Variants in MALRD1 observed in about 807,000 individuals in gnomAD.
MALRD1 encodes MAM and LDL receptor class A domain containing 1, also known as MAM and LDL-receptor class A domain-containing protein 1.
A neutral mutation model predicts 242.1 loss-of-function variants in MALRD1; 247 were observed. The ratio of observed to expected loss-of-function variants is 1.02; its 90% CI spans 0.92 to 1.13. The LOEUF (loss-of-function observed/expected upper bound fraction) is 1.13, where lower values mean the gene tolerates loss of function less well. MALRD1 is among the 50% of genes most tolerant of loss of function. The probability of loss-of-function intolerance (pLI) is 0.00; values close to 1 mark genes in which losing one functional copy is unlikely to be tolerated. For missense variants in MALRD1, 2,989 were observed against 2,533.1 expected (o/e 1.18, Z -3.86); for synonymous variants, 995 against 866.6 (o/e 1.15, Z -2.60).
chr10:19,304,684 A>G (rs772665178), intron 21 of MALRD1, among the ~76,000 whole-genome samples: 2 of 151,774 alleles, frequency 1.3e-5, no homozygotes, highest in Admixed American at 6.6e-5. Flanking sequence ...AAAATGTTTC[A>G]TCATTATTAT....
chr10:19,191,171 C>T (rs576104156), intron 14 of MALRD1, among the ~76,000 whole-genome samples: 1 of 152,066 alleles, frequency 6.6e-6, no homozygotes, highest in African/African-American at 2.4e-5. Flanking sequence ...CCAAAGAAGA[C>T]AAAATATTTT....
chr10:19,595,719 G>A (rs1268151495), intron 34 of MALRD1, among the ~76,000 whole-genome samples: 1 of 152,160 alleles, frequency 6.6e-6, no homozygotes, highest in Non-Finnish European at 1.5e-5. Context: ...TCATATGGGA[G>A]ATGCCGTTAT....
At chr10:19,337,104 A>G (rs1368978165) in intron 24 of MALRD1, among the ~76,000 whole-genome samples, 1 of 152,110 alleles carries the variant, frequency 6.6e-6, no homozygotes, top group Non-Finnish European at 1.5e-5. Context: ...ACACAAGTAA[A>G]CTTACACATA....
chr10:19,205,053 A>G lies in MALRD1; in HGVS notation c.2366A>G (p.His789Arg), dbSNP rs1836724816. 1 of 1,550,726 alleles carries G rather than the reference A, an allele frequency of 6.4e-7. No homozygotes were observed. The highest frequency in any genetic ancestry group is 8.7e-7 in the Non-Finnish European group (1 of 1,147,012). Residue 789 changes from histidine to arginine, a missense_variant, in exon 17 of 40, where the codon CAT becomes CGT. Coordinates refer to ENST00000454679, the MANE Select transcript of MALRD1 (RefSeq NM_001142308.3). The part of the protein sequence containing the change: ...IQLGRLSQPF[H>R]LSLDKVSLGI... ...CTAGGGCGCCTTTCGCAGCCCTTCC[A>G]TTTGTCACTAGATAAAGTCAGTCTG...
chr10:19,248,194 T>C (rs535390054), intron 18 of MALRD1, among the ~76,000 whole-genome samples: 1 of 152,182 alleles, frequency 6.6e-6, no homozygotes, highest in African/African-American at 2.4e-5. Context: ...AAGTACTACA[T>C]AATAACTATG....
intron 21 of MALRD1, among the ~76,000 whole-genome samples, chr10:19,308,224 G>A (rs925974951): frequency 1.3e-5 from 2 of 151,084 alleles, no homozygotes; most frequent in Admixed American, 1.3e-4. Flanking sequence ...CTTCTATTCT[G>A]CATGTCTGTG....
At chr10:19,497,845 A>C (rs1431070255) in intron 30 of MALRD1, among the ~76,000 whole-genome samples, 1 of 152,218 alleles carries the variant, frequency 6.6e-6, no homozygotes, top group Non-Finnish European at 1.5e-5. Context: ...GGGTATCATG[A>C]TGGCACTTTT....
At position 19,558,982 on chromosome 10, in the gene MALRD1, G is replaced by T. The variant is rs186563690; in HGVS notation, c.5479-8520G>T. Among the ~76,000 whole-genome samples, 3 of 151,958 alleles carry T rather than the reference G, an allele frequency of 2.0e-5. No homozygotes were observed. In the East Asian group the frequency reaches 5.8e-4, roughly 30 times the overall value. On this transcript the variant is annotated intron_variant, in intron 32 of 39. Transcript: ENST00000454679. The stretch of plus-strand genomic sequence containing the variant: ...GCAGATCACTTGAGGTTAGGGATTC[G>T]AGACCAGCCTGGCCAACATGGTGAA...
intron 31 of MALRD1, among the ~76,000 whole-genome samples, chr10:19,506,047 G>C (rs563704587): frequency 1.2e-4 from 19 of 152,156 alleles, no homozygotes; most frequent in South Asian, 2.1e-4. Context: ...AATTCTGCGT[G>C]GGATTCCAGT....
chr10:19,530,594 G>A (rs1294523254), intron 31 of MALRD1, among the ~76,000 whole-genome samples: 1 of 149,594 alleles, frequency 6.7e-6, no homozygotes, highest in African/African-American at 2.5e-5. Context: ...TACCCACAAA[G>A]GGGAATGATA....
At chr10:19,115,284 C>T (rs150402103) in intron 5 of MALRD1, among the ~76,000 whole-genome samples, 1 of 152,216 alleles carries the variant, frequency 6.6e-6, no homozygotes, top group East Asian at 1.9e-4. Context: ...CCACGTGCTC[C>T]CTCTTCTTGG....
chr10:19,690,728 A>G (rs938881316), intron 36 of MALRD1, among the ~76,000 whole-genome samples: 8 of 151,946 alleles, frequency 5.3e-5, no homozygotes, highest in Admixed American at 4.6e-4. Flanking sequence ...GGTTCTATAT[A>G]TAAATATAAA....
intron 39 of MALRD1, among the ~76,000 whole-genome samples, chr10:19,732,188 G>A (rs1244970705): frequency 1.3e-5 from 2 of 152,122 alleles, no homozygotes; most frequent in East Asian, 3.8e-4. Flanking sequence ...GAAAACAAAT[G>A]TAATATATCT....
chr10:19,726,085 AAAAT>A (rs1336824527), intron 38 of MALRD1, among the ~76,000 whole-genome samples: 1 of 152,228 alleles, frequency 6.6e-6, no homozygotes, highest in East Asian at 1.9e-4. Flanking sequence ...GCAACAACAA[AAAAT>A]AAATAAGTAA....
chr10:19,145,547 G>A (rs1045862006), intron 10 of MALRD1, among the ~76,000 whole-genome samples: 3 of 151,834 alleles, frequency 2.0e-5, no homozygotes, highest in African/African-American at 7.3e-5. Flanking sequence ...TTGGGAGGCT[G>A]AGGCAGGAGA....
intron 14 of MALRD1, among the ~76,000 whole-genome samples, chr10:19,202,283 T>C (rs1303564840): frequency 6.6e-6 from 1 of 152,128 alleles, no homozygotes; most frequent in African/African-American, 2.4e-5. Flanking sequence ...CTGATTCTGA[T>C]AAGATTCAGA....
At chr10:19,085,680 AAAT>A (rs1268014345) in intron 2 of MALRD1, among the ~76,000 whole-genome samples, 1 of 152,012 alleles carries the variant, frequency 6.6e-6, no homozygotes, top group Non-Finnish European at 1.5e-5. Context: ...TTTAAATATT[AAAT>A]AATTTACTCA....
At chr10:19,058,619 G>A (rs1834734221) in intron 1 of MALRD1, among the ~76,000 whole-genome samples, 1 of 151,896 alleles carries the variant, frequency 6.6e-6, no homozygotes, top group Non-Finnish European at 1.5e-5. Context: ...AAATGAAAGA[G>A]GAAAAACATC....
chr10:19,132,496 A>G (rs978837717), intron 8 of MALRD1, among the ~76,000 whole-genome samples: 3 of 152,222 alleles, frequency 2.0e-5, no homozygotes, highest in African/African-American at 4.8e-5. Context: ...CGAAATTTGG[A>G]GTAAGCATTT....
Sources: gnomAD v4.1 joint callset for allele counts (sites outside exome capture counted in the v4.1 genomes callset) on GRCh38, gnomAD v4.1.1 for gene constraint, MANE v1.5 for transcripts, NCBI Gene and HGNC (gene_info 2026-07-23, HGNC 2026-07-21) for gene names.